Variants in HMCN1 observed in about 807,000 individuals in gnomAD.
HMCN1 encodes hemicentin-1.
In HMCN1, 321 loss-of-function variants were observed where a neutral mutation model predicts 625.9. That is an observed-to-expected ratio of 0.51 (90% confidence interval 0.47 to 0.56). HMCN1 has a LOEUF of 0.56. Among genes scored for constraint, HMCN1 ranks in the 20% least tolerant of loss-of-function variants. The pLI is 0.00. For missense variants in HMCN1, 6,588 were observed against 6,887.3 expected, an observed-to-expected ratio of 0.96 and a Z score of 1.54; for synonymous variants, 2,425 against 2,417.6, an observed-to-expected ratio of 1.00 and a Z score of -0.09.
chr1:186,091,012 T>A (rs1367511185), intron 64 of HMCN1, 95 bp downstream of exon 64: 2 of 1,360,418 alleles, frequency 1.5e-6, no homozygotes, highest in Non-Finnish European at 2.1e-6. Context: ...CCGAATTCCA[T>A]CCCATTGGAA....
intron 17 of HMCN1, 99 bp downstream of exon 17, chr1:185,981,172 G>T (rs1201579888): frequency 2.6e-6 from 2 of 777,878 alleles, no homozygotes; most frequent in African/African-American, 3.4e-5. Flanking sequence ...AAAAACAAAA[G>T]ATAAATGACT....
At chr1:185,887,585 A>G (rs1286198377) in intron 4 of HMCN1, among the ~76,000 whole-genome samples, 1 of 150,086 alleles carries the variant, frequency 6.7e-6, no homozygotes, top group African/African-American at 2.5e-5. Flanking sequence ...GCGATAGTTT[A>G]CTGAGAACGA....
At chr1:186,085,729 C>A (rs1023495308) in intron 57 of HMCN1, among the ~76,000 whole-genome samples, 9 of 151,968 alleles carry the variant, frequency 5.9e-5, no homozygotes, top group Non-Finnish European at 1.2e-4. Context: ...TCTGTTCCTG[C>A]CATTTCTTTC....
At chr1:185,787,949 G>C (rs1029135617) in intron 1 of HMCN1, among the ~76,000 whole-genome samples, 2 of 152,160 alleles carry the variant, frequency 1.3e-5, no homozygotes, top group Non-Finnish European at 2.9e-5. Context: ...ATGTATGCTT[G>C]AGTAAATATA....
chr1:185,966,153 C>A (rs1001228295), intron 14 of HMCN1, among the ~76,000 whole-genome samples: 3 of 152,096 alleles, frequency 2.0e-5, no homozygotes, highest in Non-Finnish European at 4.4e-5. Context: ...GCTAATCCAG[C>A]TGAACATTCT....
chr1:185,949,803 A>G (rs1668548133), intron 11 of HMCN1, among the ~76,000 whole-genome samples: 2 of 151,806 alleles, frequency 1.3e-5, no homozygotes, highest in Admixed American at 1.3e-4. Flanking sequence ...GAGTAAAGCT[A>G]ATTTGCCAGT....
At chr1:185,846,647 T>A (rs1193558076) in intron 2 of HMCN1, among the ~76,000 whole-genome samples, 1 of 152,170 alleles carries the variant, frequency 6.6e-6, no homozygotes, top group African/African-American at 2.4e-5. Context: ...TTTATTCATT[T>A]AAAAAATTGG....
intron 35 of HMCN1, among the ~76,000 whole-genome samples, chr1:186,021,535 TAGTTCGATCTTTAAAAATTATGGCA>T (rs535172996): frequency 1.1e-3 from 173 of 152,204 alleles, no homozygotes; most frequent in African/African-American, 3.9e-3. Context: ...AGGACTGACC[TAGTTCGATCTTTAAAAATTATGGCA>T]TTTAAAGACC....
chr1:186,158,362 G>A (rs565561452), intron 97 of HMCN1, among the ~76,000 whole-genome samples: 14 of 151,980 alleles, frequency 9.2e-5, no homozygotes, highest in South Asian at 2.1e-4. Flanking sequence ...AGTAGGTTGC[G>A]AAAATTTTCT....
Position 186,148,048 on chromosome 1 carries a change from A to G in HMCN1, c.14608+2125A>G, listed in dbSNP as rs556046157. Among the ~76,000 whole-genome samples, 6 of 152,320 alleles carry G rather than the reference A, an allele frequency of 3.9e-5. No individual in the cohort carries two copies. The South Asian group carries it at 1.0e-3, about 26-fold the overall frequency. ...AGTAAAACTTTCAAAGTTTGGGTCA[A>G]TCCTCTCAAATCCTGCCACTGCTTT... On this transcript the variant is annotated intron_variant, in intron 93 of 106. Coordinates refer to ENST00000271588, the MANE Select transcript of HMCN1 (RefSeq NM_031935.3).
chr1:186,150,598 C>T (rs1008711434), intron 93 of HMCN1, among the ~76,000 whole-genome samples: 2 of 152,082 alleles, frequency 1.3e-5, no homozygotes, highest in African/African-American at 2.4e-5. Flanking sequence ...AGATAATCCA[C>T]GTTTACATTG....
At chr1:185,934,864 G>A (rs992730038) in intron 11 of HMCN1, among the ~76,000 whole-genome samples, 1 of 152,112 alleles carries the variant, frequency 6.6e-6, no homozygotes, top group African/African-American at 2.4e-5. Flanking sequence ...ACAGAAAAGC[G>A]AAACTACCAT....
intron 2 of HMCN1, among the ~76,000 whole-genome samples, chr1:185,850,392 C>G (rs1662088794): frequency 6.6e-6 from 1 of 151,698 alleles, no homozygotes. Context: ...TTTTTTTCCT[C>G]CGTGACAATA....
intron 11 of HMCN1, among the ~76,000 whole-genome samples, chr1:185,936,173 C>T (rs1667804230): frequency 6.6e-6 from 1 of 151,874 alleles, no homozygotes; most frequent in African/African-American, 2.4e-5. Flanking sequence ...GTTAAAAAAT[C>T]TAGATTTTAC....
Position 186,119,189 on chromosome 1 carries a change from AG to A in HMCN1, c.11849del. 1 of 1,608,730 alleles carries A rather than the reference AG, an allele frequency of 6.2e-7. No individual in the cohort carries two copies. Among genetic ancestry groups the A allele is most frequent in the Non-Finnish European group, 8.5e-7 (1 of 1,175,264 alleles). Reference sequence around the variant, plus strand: ...TATTAAAACATTTTTTTTCATTTTTAGGAGCAATTGAAATACTTGCCACCCA... The same window carrying A: ...TATTAAAACATTTTTTTTCATTTTTAGAGCAATTGAAATACTTGCCACCCA... On this transcript the variant is annotated splice_acceptor_variant, in intron 77 of 106. Transcript: ENST00000271588. LOFTEE classifies it high-confidence loss of function.
intron 1 of HMCN1, among the ~76,000 whole-genome samples, chr1:185,762,355 G>A (rs1228096604): frequency 1.3e-5 from 2 of 152,174 alleles, no homozygotes; most frequent in Admixed American, 1.3e-4. Context: ...ATGCCTTAGT[G>A]TGTATTTGAG....
intron 4 of HMCN1, among the ~76,000 whole-genome samples, chr1:185,894,604 G>C (rs78657215): frequency 0.064 from 9,675 of 152,120 alleles, 1,078 homozygotes; most frequent in African/African-American, 0.22. Context: ...TTACATTCCT[G>C]TCACCCATGT....
chr1:186,104,050 G>A (rs1459881846), intron 69 of HMCN1, among the ~76,000 whole-genome samples: 1 of 152,078 alleles, frequency 6.6e-6, no homozygotes, highest in Admixed American at 6.6e-5. Context: ...TGAACTAGCC[G>A]ATATGGAAGT....
chr1:185,785,292 A>T (rs1178650203), intron 1 of HMCN1, among the ~76,000 whole-genome samples: 1 of 152,160 alleles, frequency 6.6e-6, no homozygotes, highest in African/African-American at 2.4e-5. Flanking sequence ...TCTCTTCCTG[A>T]CTTCTCTGGT....
Sources: allele counts gnomAD v4.1 joint callset (sites outside exome capture counted in the v4.1 genomes callset), GRCh38; gene constraint gnomAD v4.1.1; transcripts MANE v1.5; gene names NCBI Gene and HGNC (gene_info 2026-07-23, HGNC 2026-07-21).